SLC4A4: variants seen among roughly 807,000 people sequenced by gnomAD.
The protein encoded by SLC4A4 is electrogenic sodium bicarbonate cotransporter 1.
Under a neutral mutation model 111.5 loss-of-function variants are expected in SLC4A4, and 27 were observed. The ratio of observed to expected loss-of-function variants is 0.24; its 90% CI spans 0.18 to 0.33. The LOEUF (loss-of-function observed/expected upper bound fraction) is 0.33. Ranked by LOEUF, SLC4A4 falls within the 10% of genes least tolerant of loss-of-function variation. SLC4A4 has a pLI of 1.00. For missense variants in SLC4A4, 909 were observed against 1,315.5 expected (o/e 0.69, Z 4.78); for synonymous variants, 443 against 463.4 (o/e 0.96, Z 0.57).
At chr4:71,346,837 G>A (rs544688862) in intron 4 of SLC4A4, among the ~76,000 whole-genome samples, 7 of 152,168 alleles carry the variant, frequency 4.6e-5, no homozygotes, top group Non-Finnish European at 8.8e-5. Flanking sequence ...AACAATTAGA[G>A]CAATACATTT....
At chr4:71,287,498 C>G (rs1000380783) in intron 3 of SLC4A4, among the ~76,000 whole-genome samples, 2 of 152,150 alleles carry the variant, frequency 1.3e-5, no homozygotes, top group African/African-American at 4.8e-5. Flanking sequence ...GCTTATTTTT[C>G]CATTACTAAT....
At chr4:71,252,859 T>C (rs1249066384) in intron 2 of SLC4A4, among the ~76,000 whole-genome samples, 1 of 152,186 alleles carries the variant, frequency 6.6e-6, no homozygotes, top group African/African-American at 2.4e-5. Context: ...ACTAAAATCA[T>C]TGACTGTATC....
chr4:71,361,962 T>A lies in SLC4A4; in HGVS notation c.730+4775T>A, dbSNP rs144645189. ...TTTATAAGATGATCAGACTTTTTTT[T>A]AAATGTACCATTTAAATGAGTACTT... is the stretch of plus-strand genomic sequence containing the variant. On this transcript the variant is annotated intron_variant, in intron 6 of 25. Transcript: ENST00000264485. Among the ~76,000 whole-genome samples, 245 of 152,324 alleles carry A rather than the reference T, an allele frequency of 1.6e-3. 1 individual carries two copies. The highest frequency in any genetic ancestry group is 5.7e-3 in the African/African-American group (239 of 41,592).
intron 2 of SLC4A4, among the ~76,000 whole-genome samples, chr4:71,112,501 A>G (rs1449305650): frequency 6.6e-6 from 1 of 152,232 alleles, no homozygotes; most frequent in Non-Finnish European, 1.5e-5. Context: ...AATAGAAGCT[A>G]TGCATAAAGG....
At chr4:71,398,537 G>T (rs1720052763) in intron 7 of SLC4A4, among the ~76,000 whole-genome samples, 1 of 152,054 alleles carries the variant, frequency 6.6e-6, no homozygotes, top group Non-Finnish European at 1.5e-5. Context: ...TATATTTTAA[G>T]AATATAGTAT....
At chr4:71,564,707 C>T (rs1386172808) in intron 24 of SLC4A4, among the ~76,000 whole-genome samples, 1 of 151,864 alleles carries the variant, frequency 6.6e-6, no homozygotes, top group Admixed American at 6.6e-5. Context: ...CAGAAAAAGA[C>T]AGTTAAGACA....
chr4:71,316,401 T>A (rs1726681779), intron 3 of SLC4A4, among the ~76,000 whole-genome samples: 1 of 152,136 alleles, frequency 6.6e-6, no homozygotes, highest in African/African-American at 2.4e-5. Flanking sequence ...ATGGAATATG[T>A]TGCTAAGAGA....
At chr4:71,209,223 A>G (rs1371923277) in intron 1 of SLC4A4, among the ~76,000 whole-genome samples, 1 of 152,212 alleles carries the variant, frequency 6.6e-6, no homozygotes, top group Non-Finnish European at 1.5e-5. Flanking sequence ...GCTACAGTGT[A>G]TTATGTCTAA....
At chr4:71,404,016 C>A (rs116064934) in intron 7 of SLC4A4, among the ~76,000 whole-genome samples, 4 of 152,004 alleles carry the variant, frequency 2.6e-5, no homozygotes, top group Non-Finnish European at 4.4e-5. Context: ...ATAGAAATAT[C>A]GTAAGAAAGA....
intron 16 of SLC4A4, among the ~76,000 whole-genome samples, chr4:71,503,560 A>C (rs1279807264): frequency 6.6e-6 from 1 of 152,062 alleles, no homozygotes; most frequent in East Asian, 1.9e-4. Context: ...AACTTTGGTC[A>C]CGTTAAAATA....
chr4:71,379,909 CT>C (rs746446335), intron 6 of SLC4A4, among the ~76,000 whole-genome samples: 64 of 151,798 alleles, frequency 4.2e-4, no homozygotes, highest in Non-Finnish European at 8.7e-4. Flanking sequence ...TAGATTGGGG[CT>C]TTTTTGAAGA....
At chr4:71,501,216 A>C (rs955752729) in intron 16 of SLC4A4, among the ~76,000 whole-genome samples, 3 of 151,938 alleles carry the variant, frequency 2.0e-5, no homozygotes, top group African/African-American at 7.3e-5. Context: ...TTTTGTAGCT[A>C]TTGTAAGTGG....
At chr4:71,171,827 T>G (rs140634085) in intron 2 of SLC4A4, among the ~76,000 whole-genome samples, 169 of 152,340 alleles carry the variant, frequency 1.1e-3, no homozygotes, top group African/African-American at 3.9e-3. Flanking sequence ...TTTCTCTAAA[T>G]GGAATGTCTT....
intron 3 of SLC4A4, among the ~76,000 whole-genome samples, chr4:71,269,641 A>G (rs1840086): frequency 0.64 from 97,059 of 152,206 alleles, 36,710 homozygotes; most frequent in Non-Finnish European, 0.84. Context: ...AACACATAAC[A>G]TTTGTCATGT....
intron 3 of SLC4A4, among the ~76,000 whole-genome samples, chr4:71,267,466 C>T (rs1052546405): frequency 1.3e-5 from 2 of 152,066 alleles, no homozygotes; most frequent in East Asian, 1.9e-4. Context: ...CTAAGGCAGG[C>T]CATCAACACT....
At chr4:71,532,313 C>T in intron 17 of SLC4A4, 138 bp downstream of exon 17, 3 of 678,924 alleles carry the variant, frequency 4.4e-6, no homozygotes, top group Non-Finnish European at 5.4e-6. Flanking sequence ...CCCTCTTAGG[C>T]TCATATATAC....
chr4:71,419,366 C>G (rs920081180), intron 7 of SLC4A4, among the ~76,000 whole-genome samples: 4 of 152,248 alleles, frequency 2.6e-5, no homozygotes, highest in Admixed American at 2.0e-4. Flanking sequence ...AGCTTCCCTG[C>G]TGCTTTGTTT....
chr4:71,229,337 T>C (rs1156840449), intron 1 of SLC4A4, among the ~76,000 whole-genome samples: 1 of 152,248 alleles, frequency 6.6e-6, no homozygotes, highest in Non-Finnish European at 1.5e-5. Flanking sequence ...TGGACTTTTC[T>C]ACTATACTTA....
intron 16 of SLC4A4, among the ~76,000 whole-genome samples, chr4:71,503,237 T>C (rs2149161555): frequency 6.6e-6 from 1 of 150,566 alleles, no homozygotes; most frequent in South Asian, 2.1e-4. Flanking sequence ...AACTATAGTT[T>C]GGTCTTTTTT....
Sources: allele counts gnomAD v4.1 joint callset (sites outside exome capture counted in the v4.1 genomes callset), GRCh38; gene constraint gnomAD v4.1.1; transcripts MANE v1.5; gene names NCBI Gene and HGNC (gene_info 2026-07-23, HGNC 2026-07-21).